Variants in SPRY3 observed in about 807,000 individuals in gnomAD.
SPRY3 encodes the protein protein sprouty homolog 3.
Under a neutral mutation model 20.2 loss-of-function variants are expected in SPRY3, and 15 were observed. That is an observed-to-expected ratio of 0.74 (90% CI 0.50 to 1.14). SPRY3 has a LOEUF of 1.14. SPRY3 is among the 50% of genes most tolerant of loss of function. The probability of loss-of-function intolerance (pLI) is 0.00; values close to 1 mark genes in which losing one functional copy is unlikely to be tolerated. For missense variants in SPRY3, 364 were observed against 363.9 expected, an observed-to-expected ratio of 1.00 and a Z score of 0.00; for synonymous variants, 143 against 136.5, an observed-to-expected ratio of 1.05 and a Z score of -0.33.
chrX:155,766,551 C>A (rs2091331596), intron 2 of SPRY3, among the ~76,000 whole-genome samples: 1 of 152,158 alleles, frequency 6.6e-6, no homozygotes. Flanking sequence ...GGCCAAGCTC[C>A]TGCCACTTGT....
intron 2 of SPRY3, among the ~76,000 whole-genome samples, chrX:155,716,496 A>G (rs995123607): frequency 2.6e-5 from 4 of 152,052 alleles, no homozygotes; most frequent in Admixed American, 6.6e-5. Flanking sequence ...CTGTTTTCCC[A>G]CACATCTCTT....
intron 2 of SPRY3, among the ~76,000 whole-genome samples, chrX:155,693,622 C>T (rs767589305): frequency 9.8e-6 from 1 of 101,669 alleles, no homozygotes; most frequent in South Asian, 4.8e-4. Flanking sequence ...TTCTCTCTGT[C>T]AATTTTTGTC....
chrX:155,676,850 T>G (rs1419263696), intron 2 of SPRY3, among the ~76,000 whole-genome samples: 2 of 111,222 alleles, frequency 1.8e-5, no homozygotes, highest in Non-Finnish European at 3.8e-5. Context: ...CCTAATCACT[T>G]CTCAAAGGCC....
intron 1 of SPRY3, among the ~76,000 whole-genome samples, chrX:155,620,897 G>A (rs1182699045): frequency 3.6e-5 from 4 of 112,077 alleles, no homozygotes; most frequent in African/African-American, 9.7e-5. Flanking sequence ...ATCATGAATC[G>A]TGGAGAACCA....
intron 3 of SPRY3, among the ~76,000 whole-genome samples, chrX:155,768,516 G>C (rs1431470049): frequency 1.3e-5 from 2 of 152,312 alleles, no homozygotes; most frequent in South Asian, 2.1e-4. Flanking sequence ...GCTAAGGCCA[G>C]TCTGGCTGCC....
intron 1 of SPRY3, among the ~76,000 whole-genome samples, chrX:155,647,649 T>C (rs1175705625): frequency 1.8e-5 from 2 of 112,123 alleles, no homozygotes; most frequent in Non-Finnish European, 3.8e-5. Context: ...TTCTTTTTTA[T>C]GGCTGCATAC....
At chrX:155,635,349 A>C (rs781879229) in intron 1 of SPRY3, among the ~76,000 whole-genome samples, 6 of 111,370 alleles carry the variant, frequency 5.4e-5, no homozygotes, top group Admixed American at 9.6e-5. Flanking sequence ...ATAGACATAC[A>C]TGTGCATGTG....
intron 2 of SPRY3, among the ~76,000 whole-genome samples, chrX:155,745,061 C>T (rs1482756989): frequency 5.8e-4 from 88 of 152,060 alleles, no homozygotes; most frequent in Non-Finnish European, 5.9e-5. Flanking sequence ...CTCATTTTCT[C>T]ACCATTCAAA....
chrX:155,622,462 A>C (rs781911756), intron 1 of SPRY3, among the ~76,000 whole-genome samples: 1 of 111,487 alleles, frequency 9.0e-6, no homozygotes, highest in Middle Eastern at 4.6e-3. Flanking sequence ...TGCACAGCCA[A>C]CCCCACCTTC....
In SPRY3 at chrX:155,695,955, A is replaced by G. The variant is rs183145412; in HGVS notation, c.-282+38930A>G. 2.6e-3 allele frequency among the ~76,000 whole-genome samples: 287 copies of G among 110,846 alleles called. 2 individuals carry two copies. In the Middle Eastern group the frequency reaches 0.033, roughly 13 times the overall value. Reference sequence around the variant, plus strand: ...ATCTCAGAGTTGGCCTGTGCTGATTATATTTTCTCTTGAGAATTGGTCACA... The same window carrying G: ...ATCTCAGAGTTGGCCTGTGCTGATTGTATTTTCTCTTGAGAATTGGTCACA... On this transcript the variant is annotated intron_variant, in intron 2 of 3. Transcript: ENST00000675360.
At chrX:155,765,621 T>A (rs2091323130) in intron 2 of SPRY3, among the ~76,000 whole-genome samples, 1 of 152,116 alleles carries the variant, frequency 6.6e-6, no homozygotes, top group South Asian at 2.1e-4. Flanking sequence ...TCAATTTAAC[T>A]TTTTTTGTCA....
chrX:155,633,279 G>T (rs1185648993), intron 1 of SPRY3, among the ~76,000 whole-genome samples: 1 of 104,737 alleles, frequency 9.5e-6, no homozygotes, highest in Non-Finnish European at 1.9e-5. Context: ...GGTGGCTCAC[G>T]CCTGTAATTC....
intron 2 of SPRY3, among the ~76,000 whole-genome samples, chrX:155,759,943 T>C (rs1351781024): frequency 6.6e-6 from 1 of 152,214 alleles, no homozygotes; most frequent in African/African-American, 2.4e-5. Flanking sequence ...CTTCCTTGAC[T>C]TCTTCAGATA....
intron 2 of SPRY3, among the ~76,000 whole-genome samples, chrX:155,666,095 G>C (rs1603127519): frequency 9.0e-6 from 1 of 110,504 alleles, no homozygotes; most frequent in East Asian, 2.8e-4. Context: ...ACCATTTCCA[G>C]CTGAAGGATC....
chrX:155,636,273 G>T (rs2067923111), intron 1 of SPRY3, among the ~76,000 whole-genome samples: 1 of 112,069 alleles, frequency 8.9e-6, no homozygotes, highest in Non-Finnish European at 1.9e-5. Flanking sequence ...CCACAGTGGG[G>T]TCAGAGAGGA....
chrX:155,738,895 G>C (rs774757126), intron 2 of SPRY3, among the ~76,000 whole-genome samples: 4 of 152,316 alleles, frequency 2.6e-5, no homozygotes, highest in Admixed American at 2.0e-4. Flanking sequence ...TAGGAAGGGG[G>C]CTGAATAAAG....
At chrX:155,738,024 C>A (rs2091180390) in intron 2 of SPRY3, among the ~76,000 whole-genome samples, 1 of 152,084 alleles carries the variant, frequency 6.6e-6, no homozygotes, top group Non-Finnish European at 1.5e-5. Context: ...CTAATTCTCA[C>A]ACCTTGTATA....
At chrX:155,710,068 G>A (rs2090975879) in intron 2 of SPRY3, among the ~76,000 whole-genome samples, 1 of 151,772 alleles carries the variant, frequency 6.6e-6, no homozygotes, top group African/African-American at 2.4e-5. Flanking sequence ...CCATAGCTCT[G>A]TAATATAATT....
chrX:155,642,612 T>C (rs782501289), intron 1 of SPRY3, among the ~76,000 whole-genome samples: 11 of 111,710 alleles, frequency 9.8e-5, no homozygotes, highest in Non-Finnish European at 1.7e-4. Flanking sequence ...TAGGCACTTA[T>C]AGCTATAAAC....
Sources: allele counts gnomAD v4.1 joint callset (sites outside exome capture counted in the v4.1 genomes callset), GRCh38; gene constraint gnomAD v4.1.1; transcripts MANE v1.5; gene names NCBI Gene and HGNC (gene_info 2026-07-23, HGNC 2026-07-21).